Variants in GABRB2 observed in about 807,000 individuals in gnomAD.
The protein encoded by GABRB2 is gamma-aminobutyric acid type A receptor subunit beta2, also known as gamma-aminobutyric acid receptor subunit beta-2.
A neutral mutation model predicts 54.7 loss-of-function variants in GABRB2; 16 were observed. The observed-to-expected ratio is 0.29, with a 90% confidence interval of 0.20 to 0.44. The LOEUF (loss-of-function observed/expected upper bound fraction) is 0.44, where lower values mean the gene tolerates loss of function less well. GABRB2 is among the 20% of genes least tolerant of loss of function. The probability of loss-of-function intolerance (pLI) is 1.00; values close to 1 mark genes in which losing one functional copy is unlikely to be tolerated. For synonymous variants in GABRB2, 244 were observed against 233.8 expected (o/e 1.04, Z -0.40); for missense variants, 355 against 644.0 (o/e 0.55, Z 4.86).
chr5:161,317,087 A>T (rs1182031994), intron 9 of GABRB2, among the ~76,000 whole-genome samples: 1 of 152,070 alleles, frequency 6.6e-6, no homozygotes, highest in Non-Finnish European at 1.5e-5. Flanking sequence ...GAGAGAGAAA[A>T]AAAATGACAA....
intron 4 of GABRB2, among the ~76,000 whole-genome samples, chr5:161,442,991 T>C (rs1332776155): frequency 6.6e-6 from 1 of 152,124 alleles, no homozygotes; most frequent in East Asian, 1.9e-4. Context: ...TCACGTTCAG[T>C]ACCTGGTTTG....
intron 3 of GABRB2, among the ~76,000 whole-genome samples, chr5:161,469,671 T>TCACACATACACA (rs1363926480): frequency 1.7e-4 from 18 of 108,228 alleles, no homozygotes; most frequent in African/African-American, 6.6e-4. Flanking sequence ...GAAACATTAT[T>TCACACATACACA]CACACATACA....
intron 5 of GABRB2, among the ~76,000 whole-genome samples, chr5:161,349,365 G>T (rs768369022): frequency 6.6e-6 from 1 of 152,030 alleles, no homozygotes; most frequent in Admixed American, 6.6e-5. Context: ...CCCAAATTCT[G>T]TCAAGATAAA....
chr5:161,472,165 GTTATTA>G (rs549514814), intron 3 of GABRB2, among the ~76,000 whole-genome samples: 1 of 151,736 alleles, frequency 6.6e-6, no homozygotes, highest in Non-Finnish European at 1.5e-5. Flanking sequence ...ATTAATGTTT[GTTATTA>G]TTATTAATCT....
intron 3 of GABRB2, among the ~76,000 whole-genome samples, chr5:161,535,218 G>T (rs1239136426): frequency 1.3e-5 from 2 of 152,014 alleles, no homozygotes; most frequent in East Asian, 3.9e-4. Context: ...TTTAAATTGT[G>T]CTCAAGAGAT....
chr5:161,520,322 T>A (rs529923308), intron 3 of GABRB2, among the ~76,000 whole-genome samples: 31 of 152,252 alleles, frequency 2.0e-4, no homozygotes, highest in Admixed American at 2.0e-3. Flanking sequence ...AGTTCTTCCA[T>A]CATAAAATAG....
chr5:161,294,411 G>A lies in GABRB2; in HGVS notation c.1209C>T (p.Asn403=). 6.2e-7 allele frequency: 1 copy of A among 1,612,246 alleles called. No homozygotes were observed. The highest frequency in any genetic ancestry group is 8.5e-7 in the Non-Finnish European group (1 of 1,178,584). Reference sequence around the variant, plus strand: ...TTATCTCGAGAGTGCTCAGTAAGATGTTCTCATGGGGGTCCATCTGCAAGG... The same window carrying A: ...TTATCTCGAGAGTGCTCAGTAAGATATTCTCATGGGGGTCCATCTGCAAGG... ...FSLYTMDPHE[N]ILLSTLEIKN... is the part of the protein sequence containing the mutation. The change falls in exon 10 of 10, where the codon AAC becomes AAT. Residue 403 remains asparagine (N), a synonymous_variant. Transcript: ENST00000393959.
chr5:161,370,416 C>T (rs1363889394), intron 5 of GABRB2, among the ~76,000 whole-genome samples: 11 of 152,114 alleles, frequency 7.2e-5, no homozygotes, highest in East Asian at 1.9e-4. Flanking sequence ...AGGAGAACTA[C>T]GTGACTTGGG....
intron 5 of GABRB2, among the ~76,000 whole-genome samples, chr5:161,400,964 T>A (rs555543122): frequency 6.6e-6 from 1 of 152,200 alleles, no homozygotes; most frequent in South Asian, 2.1e-4. Flanking sequence ...ATAGGGGGTG[T>A]AGGGGGTGAT....
chr5:161,514,529 A>C (rs1435876410), intron 3 of GABRB2, among the ~76,000 whole-genome samples: 1 of 152,148 alleles, frequency 6.6e-6, no homozygotes, highest in African/African-American at 2.4e-5. Flanking sequence ...TGAATAAATA[A>C]AATGAAAACA....
rs930955719 is a variant in GABRB2 at position 161,319,234 on chromosome 5, A to G, written c.1191+7134T>C. 8.6e-5 allele frequency among the ~76,000 whole-genome samples: 13 copies of G among 150,898 alleles called. No homozygotes were observed. The East Asian group carries it at 2.3e-3, about 27-fold the overall frequency. ...AGAGGCAAGAGTCAGAGTTTTTCAT[A>G]AGACAGGTAGATAAAGAGAAATAAA... On this transcript the variant is annotated intron_variant, in intron 9 of 9. Coordinates refer to ENST00000393959, the MANE Select transcript of GABRB2 (RefSeq NM_001371727.1).
At chr5:161,534,307 T>C (rs1417518892) in intron 3 of GABRB2, among the ~76,000 whole-genome samples, 1 of 152,180 alleles carries the variant, frequency 6.6e-6, no homozygotes, top group Non-Finnish European at 1.5e-5. Context: ...GAGAGAATTA[T>C]CTGGCTCCAA....
At chr5:161,490,241 T>G (rs1303313086) in intron 3 of GABRB2, among the ~76,000 whole-genome samples, 1 of 151,742 alleles carries the variant, frequency 6.6e-6, no homozygotes, top group African/African-American at 2.4e-5. Context: ...TTTAAAAATA[T>G]AAACTGTATG....
chr5:161,345,254 G>A lies in GABRB2; in HGVS notation c.542-8485C>T, dbSNP rs529113300. Among the ~76,000 whole-genome samples, 151 of 151,692 alleles carry A rather than the reference G, an allele frequency of 1.0e-3. 2 individuals are homozygous for A. The highest frequency in any genetic ancestry group is 3.4e-3 in the African/African-American group (142 of 41,340). ...ATTTGTGCACTTTGTATCTTATAGC[G>A]CAATAAAAATTTTAAAAGATGAAAA... On this transcript the variant is annotated intron_variant, in intron 5 of 9. Transcript: ENST00000393959.
chr5:161,433,254 A>G (rs1757219298), intron 4 of GABRB2, among the ~76,000 whole-genome samples: 1 of 152,122 alleles, frequency 6.6e-6, no homozygotes, highest in Non-Finnish European at 1.5e-5. Flanking sequence ...TAATTTATAC[A>G]GTAATTCCAG....
chr5:161,323,480 CT>C (rs11285622), intron 9 of GABRB2, among the ~76,000 whole-genome samples: 45,544 of 151,954 alleles, frequency 0.3, 7,425 homozygotes, highest in African/African-American at 0.42. Context: ...TGGGTTTTCC[CT>C]TTATGTTCAC....
intron 5 of GABRB2, among the ~76,000 whole-genome samples, chr5:161,338,372 A>G (rs913454345): frequency 5.9e-5 from 9 of 152,200 alleles, no homozygotes; most frequent in Admixed American, 3.3e-4. Context: ...ACCACAAACT[A>G]TATTGAAATC....
intron 5 of GABRB2, among the ~76,000 whole-genome samples, chr5:161,404,113 A>G (rs758309565): frequency 2.0e-5 from 3 of 152,164 alleles, no homozygotes. Context: ...GGTCAGAAAT[A>G]TCCACAGGAA....
chr5:161,390,218 CTCTGCTGAATTTTGTGTACTT>C (rs1755778349), intron 5 of GABRB2, among the ~76,000 whole-genome samples: 1 of 152,018 alleles, frequency 6.6e-6, no homozygotes, highest in South Asian at 2.1e-4. Flanking sequence ...CTCAAGTCAT[CTCTGCTGAATTTTGTGTACTT>C]TCTTAAATAA....
Sources: allele counts gnomAD v4.1 joint callset (sites outside exome capture counted in the v4.1 genomes callset), GRCh38; gene constraint gnomAD v4.1.1; transcripts MANE v1.5; gene names NCBI Gene and HGNC (gene_info 2026-07-23, HGNC 2026-07-21).